Variants in MED19 observed in about 807,000 individuals in gnomAD.
The protein encoded by MED19 is mediator of RNA polymerase II transcription subunit 19.
In MED19, 4 loss-of-function variants were observed where a neutral mutation model predicts 19.9. The ratio of observed to expected loss-of-function variants is 0.20; its 90% CI spans 0.10 to 0.46. The LOEUF (loss-of-function observed/expected upper bound fraction) is 0.46, where lower values mean the gene tolerates loss of function less well. Among genes scored for constraint, MED19 ranks in the 20% least tolerant of loss-of-function variants. MED19 has a pLI of 0.99. For missense variants in MED19, 303 were observed against 318.7 expected (o/e 0.95, Z 0.38); for synonymous variants, 139 against 119.6 (o/e 1.16, Z -1.06).
At chr11:57,709,742 G>A (rs900939981) in intron 1 of MED19, among the ~76,000 whole-genome samples, 2 of 151,994 alleles carry the variant, frequency 1.3e-5, no homozygotes, top group Admixed American at 1.3e-4. Context: ...TTTATTTTTT[G>A]TAGAGATGGG....
exon 1 of MED19, chr11:57,712,043 G>C: frequency 1.3e-6 from 2 of 1,537,160 alleles, no homozygotes; most frequent in Non-Finnish European, 1.8e-6. Context: ...GGCCGCGGTG[G>C]GAGGCGGGGC....
chr11:57,706,120 A>T (rs1946505388), intron 1 of MED19, among the ~76,000 whole-genome samples: 1 of 151,904 alleles, frequency 6.6e-6, no homozygotes. Context: ...CGTGATACTG[A>T]GTATGATGCC....
chr11:57,705,763 CAGGAACTGCTCT>C (rs1186844371), intron 1 of MED19, among the ~76,000 whole-genome samples: 1 of 151,930 alleles, frequency 6.6e-6, no homozygotes, highest in Non-Finnish European at 1.5e-5. Context: ...AGGGCAGAGA[CAGGAACTGCTCT>C]AGCCCAATGA....
At position 57,704,317 on chromosome 11, in the gene MED19, CTCTT is replaced by C. The variant is rs1334815461; in HGVS notation, c.647_650del (p.Lys216ArgfsTer76). ...TCTACTCTACCTTCTTTTTCTTCTT[CTCTT>C]TCTTCTTCCTTTTCCGTTCAGGATC... On this transcript the variant is annotated frameshift_variant, in exon 4 of 5. Transcript: ENST00000431606. LOFTEE classifies it high-confidence loss of function. 6.5e-7 allele frequency: 1 copy of C among 1,534,150 alleles called. No individual in the cohort carries two copies. Among genetic ancestry groups the C allele is most frequent in the Non-Finnish European group, 8.7e-7 (1 of 1,146,486 alleles).
At chr11:57,706,370 C>A (rs1346653187) in intron 1 of MED19, among the ~76,000 whole-genome samples, 2 of 151,804 alleles carry the variant, frequency 1.3e-5, no homozygotes, top group African/African-American at 4.8e-5. Flanking sequence ...TCTTGAACTT[C>A]TGACCTCAAG....
chr11:57,709,911 C>T (rs1222859153), intron 1 of MED19, among the ~76,000 whole-genome samples: 1 of 152,188 alleles, frequency 6.6e-6, no homozygotes, highest in African/African-American at 2.4e-5. Context: ...ATCCTGTATC[C>T]ATTTACTTCT....
exon 5 of MED19, chr11:57,703,784 AAGAG>A (rs1252232649): frequency 8.8e-6 from 4 of 455,480 alleles, no homozygotes; most frequent in South Asian, 5.6e-5. Context: ...AATTGCACAA[AAGAG>A]AGAGAAGAAA....
chr11:57,704,025 T>A, exon 5 of MED19: 1 of 1,535,926 alleles, frequency 6.5e-7, no homozygotes, highest in Non-Finnish European at 8.7e-7. Flanking sequence ...TGGCAAAGAG[T>A]CCAGTGGTCC....
At position 57,704,798 on chromosome 11, in the gene MED19, A is replaced by T. The variant is rs778188581; in HGVS notation, c.492T>A (p.Arg164=). The T allele has an allele frequency of 3.7e-6, 6 of 1,612,576 alleles. No homozygotes were observed. The African/African-American group carries it at 5.4e-5, about 14-fold the overall frequency. Residue 164 remains arginine (R), a synonymous_variant, in exon 3 of 5, where the codon CGT becomes CGA. Transcript: ENST00000431606. ...TCTTGGGAGGCTGAATATGCATCAG[A>T]CGACACTGCTCCGGCAACTGAAGGA...
At chr11:57,704,034 C>G (rs1409208648) in exon 5 of MED19, 1 of 1,536,078 alleles carries the variant, frequency 6.5e-7, no homozygotes, top group Non-Finnish European at 8.7e-7. Flanking sequence ...GTCCAGTGGT[C>G]CTATTAGCGT....
rs1946613969 is a variant in MED19 at position 57,711,658 on chromosome 11, G to A, written c.217+305C>T. On this transcript the variant is annotated intron_variant, in intron 1 of 4. Transcript: ENST00000431606. ...CGTGAGCCACCGCGCCCAGCCCTAG[G>A]TCATTTTTTAGAGAGACATAAACCA... 2.6e-5 allele frequency among the ~76,000 whole-genome samples: 4 copies of A among 152,206 alleles called. No homozygotes were observed. In the South Asian group the frequency reaches 8.3e-4, roughly 32 times the overall value.
chr11:57,706,316 T>G (rs1946507246), intron 1 of MED19, among the ~76,000 whole-genome samples: 1 of 151,988 alleles, frequency 6.6e-6, no homozygotes, highest in Non-Finnish European at 1.5e-5. Context: ...CCTGGCTAAT[T>G]TTTTTCTAGT....
chr11:57,705,073 C>G (rs764437515), exon 2 of MED19: 1 of 1,614,164 alleles, frequency 6.2e-7, no homozygotes, highest in African/African-American at 1.3e-5. Flanking sequence ...GCGGAGGCTG[C>G]TGTTATCATG....
At chr11:57,704,648 A>T (rs958253793) in intron 3 of MED19, 71 bp downstream of exon 3, 1 of 1,601,882 alleles carries the variant, frequency 6.2e-7, no homozygotes, top group African/African-American at 1.4e-5. Context: ...ATGGAAGTTC[A>T]AACCAGATTC....
chr11:57,712,026 G>A lies in MED19; in HGVS notation c.154C>T (p.Pro52Ser). The change falls in exon 1 of 5, where the codon CCT becomes TCT. Residue 52 changes from proline to serine, a missense_variant. Around this residue, in one of 2 missense-constraint regions of MED19, gnomAD observed 274 missense variants for 259.2 expected, o/e 1.06. Transcript: ENST00000431606. ...GCTCCTGACTTGTCCGCGCCAGGAG[G>A]AGCCGTGGCCGCGGTGGGAGGCGGG... The A allele has an allele frequency of 6.5e-7, 1 of 1,536,118 alleles. No homozygotes were observed. The highest frequency in any genetic ancestry group is 1.2e-5 in the South Asian group (1 of 83,298).
intron 3 of MED19, 42 bp downstream of exon 3, chr11:57,704,668 GGTTTTTTTT>G: frequency 8.4e-7 from 1 of 1,189,760 alleles, no homozygotes; most frequent in Non-Finnish European, 1.2e-6. Flanking sequence ...CAGAAGGTCA[GGTTTTTTTT>G]TTTTTTTTTT....
intron 1 of MED19, among the ~76,000 whole-genome samples, chr11:57,705,995 CT>C (rs761219613): frequency 4.3e-3 from 615 of 143,146 alleles, no homozygotes; most frequent in Non-Finnish European, 4.3e-3. Flanking sequence ...TTGTCAAGGA[CT>C]TTTTTTTTTT....
At chr11:57,707,329 G>A (rs1455477922) in intron 1 of MED19, among the ~76,000 whole-genome samples, 1 of 151,996 alleles carries the variant, frequency 6.6e-6, no homozygotes, top group Non-Finnish European at 1.5e-5. Context: ...GGTAGAAATA[G>A]CTAACTACAA....
intron 1 of MED19, among the ~76,000 whole-genome samples, chr11:57,709,258 G>A (rs932373755): frequency 6.6e-6 from 1 of 151,904 alleles, no homozygotes; most frequent in Non-Finnish European, 1.5e-5. Context: ...GCACATGCCT[G>A]TAATCCGAAC....
Sources: gnomAD v4.1 joint callset for allele counts (sites outside exome capture counted in the v4.1 genomes callset) on GRCh38, gnomAD v4.1.1 for gene constraint, gnomAD v4.1.1 regional missense constraint, MANE v1.5 for transcripts, NCBI Gene and HGNC (gene_info 2026-07-23, HGNC 2026-07-21) for gene names.